The following PALLD variants were observed in gnomAD, a reference collection of about 807,000 sequenced individuals.
PALLD encodes the protein palladin, cytoskeletal associated protein.
In PALLD, 61 loss-of-function variants were observed where a neutral mutation model predicts 123.5. That is an observed-to-expected ratio of 0.49 (90% confidence interval 0.40 to 0.61). The LOEUF (loss-of-function observed/expected upper bound fraction) is 0.61, where lower values mean the gene tolerates loss of function less well. PALLD is among the 20% of genes least tolerant of loss of function. PALLD has a pLI of 0.00. For synonymous variants in PALLD, 465 were observed against 496.4 expected (o/e 0.94, Z 0.84); for missense variants, 1,273 against 1,377.0 (o/e 0.92, Z 1.20).
chr4:168,751,949 G>A (rs939078437), intron 10 of PALLD, among the ~76,000 whole-genome samples: 1 of 152,186 alleles, frequency 6.6e-6, no homozygotes, highest in Non-Finnish European at 1.5e-5. Context: ...ACACTGTTCT[G>A]AGAATTACAC....
intron 10 of PALLD, among the ~76,000 whole-genome samples, chr4:168,810,733 G>A (rs1298557914): frequency 2.0e-5 from 3 of 151,754 alleles, no homozygotes; most frequent in East Asian, 1.9e-4. Context: ...GCGTGAACCC[G>A]GGAAGCGGAG....
At chr4:168,805,619 CA>C (rs1162179232) in intron 10 of PALLD, among the ~76,000 whole-genome samples, 1 of 152,098 alleles carries the variant, frequency 6.6e-6, no homozygotes. Context: ...CCCTTTCTCC[CA>C]CCCACCCCTA....
intron 10 of PALLD, among the ~76,000 whole-genome samples, chr4:168,877,522 G>A (rs911855009): frequency 5.9e-5 from 9 of 152,212 alleles, no homozygotes; most frequent in African/African-American, 2.2e-4. Context: ...TGAAATGGGC[G>A]AGCATACTTC....
Position 168,898,426 on chromosome 4 carries a change from G to T in PALLD, c.2251-67G>T, listed in dbSNP as rs1156906629. ...CTGTCTTCTAGGGCCTTATTGGGGG[G>T]CAGGGAGAGACGTGACACTTTGTCA... On this transcript the variant is annotated intron_variant, in intron 13 of 21. Transcript: ENST00000505667. 4 of 972,340 alleles carry T rather than the reference G, an allele frequency of 4.1e-6. No homozygotes were observed. The Admixed American group carries it at 6.9e-5, about 17-fold the overall frequency. The allele number at this position is 972,340 out of a possible 1,614,324, so 60.2% of individuals were successfully genotyped here.
chr4:168,889,460 G>A (rs566757446), intron 10 of PALLD, among the ~76,000 whole-genome samples: 7 of 151,832 alleles, frequency 4.6e-5, no homozygotes, highest in Admixed American at 3.9e-4. Flanking sequence ...CACCACACCC[G>A]GCCTGCAGTC....
intron 2 of PALLD, among the ~76,000 whole-genome samples, chr4:168,597,259 A>T (rs1772086330): frequency 6.6e-6 from 1 of 152,130 alleles, no homozygotes; most frequent in Non-Finnish European, 1.5e-5. Flanking sequence ...AGTATACAAA[A>T]TTTTAACACT....
chr4:168,849,352 T>C (rs1747398029), intron 10 of PALLD, among the ~76,000 whole-genome samples: 1 of 152,252 alleles, frequency 6.6e-6, no homozygotes, highest in African/African-American at 2.4e-5. Flanking sequence ...ATCAGATTTT[T>C]GTCATTGTAT....
chr4:168,758,757 C>T (rs1482010186), intron 10 of PALLD, among the ~76,000 whole-genome samples: 1 of 151,912 alleles, frequency 6.6e-6, no homozygotes, highest in African/African-American at 2.4e-5. Flanking sequence ...TTTTCTTTTT[C>T]CCCCTCCCAC....
At chr4:168,771,594 G>A (rs1734451761) in intron 10 of PALLD, among the ~76,000 whole-genome samples, 2 of 152,230 alleles carry the variant, frequency 1.3e-5, no homozygotes, top group South Asian at 4.2e-4. Flanking sequence ...CTTAAGCAGG[G>A]CATCAGTGTG....
At position 168,691,400 on chromosome 4, in the gene PALLD, T is replaced by C; in HGVS notation, c.1501+108T>C. 3.3e-6 allele frequency: 3 copies of C among 901,542 alleles called. No individual in the cohort carries two copies. In the African/African-American group the frequency reaches 5.0e-5, roughly 15 times the overall value. The allele number at this position is 901,542 out of a possible 1,614,324, so 55.8% of individuals were successfully genotyped here. ...TACCTTAAAGCCGTAAGCAGAACAA[T>C]GTTTTTGTGGCTCCCTGGAAATGTG... On this transcript the variant is annotated intron_variant, in intron 8 of 21. Transcript: ENST00000505667.
chr4:168,761,667 T>TTTTG (rs1732943797), intron 10 of PALLD, among the ~76,000 whole-genome samples: 43 of 83,024 alleles, frequency 5.2e-4, no homozygotes, highest in African/African-American at 1.7e-3. Flanking sequence ...TTTTTTTTTT[T>TTTTG]TTTTTTTTTG....
At chr4:168,755,467 A>T (rs1160286578) in intron 10 of PALLD, among the ~76,000 whole-genome samples, 1 of 152,056 alleles carries the variant, frequency 6.6e-6, no homozygotes, top group Non-Finnish European at 1.5e-5. Context: ...GTAAGAGATG[A>T]GAGAGGCTGT....
intron 2 of PALLD, among the ~76,000 whole-genome samples, chr4:168,516,325 G>T (rs1274999878): frequency 6.6e-6 from 1 of 151,964 alleles, no homozygotes; most frequent in Admixed American, 6.5e-5. Context: ...ACAGCATAAA[G>T]ACCTGTTCCC....
intron 10 of PALLD, among the ~76,000 whole-genome samples, chr4:168,761,646 T>TTG (rs1732894619): frequency 1.1e-4 from 2 of 18,210 alleles, no homozygotes; most frequent in Non-Finnish European, 2.2e-4. Flanking sequence ...TTGTTGTTTG[T>TTG]TTTTTTTTTT....
intron 2 of PALLD, among the ~76,000 whole-genome samples, chr4:168,573,108 C>T (rs1439448275): frequency 1.3e-5 from 2 of 151,666 alleles, no homozygotes; most frequent in African/African-American, 4.8e-5. Context: ...GCTTTCTTTC[C>T]ATTTCTCAAG....
At chr4:168,518,728 C>T (rs1763247490) in intron 2 of PALLD, among the ~76,000 whole-genome samples, 1 of 152,194 alleles carries the variant, frequency 6.6e-6, no homozygotes, top group Admixed American at 6.5e-5. Context: ...TGCTTTTCTC[C>T]ATAGATCTCA....
chr4:168,758,878 A>G (rs1581317540), intron 10 of PALLD, among the ~76,000 whole-genome samples: 1 of 151,838 alleles, frequency 6.6e-6, no homozygotes, highest in Non-Finnish European at 1.5e-5. Context: ...TCTTAGATTA[A>G]AAGTATAAAA....
intron 2 of PALLD, among the ~76,000 whole-genome samples, chr4:168,589,483 C>A (rs1442916785): frequency 6.6e-6 from 1 of 152,120 alleles, no homozygotes; most frequent in East Asian, 1.9e-4. Context: ...TTAAAGTGTT[C>A]TATAACCGTG....
At chr4:168,552,645 T>A (rs1475054180) in intron 2 of PALLD, among the ~76,000 whole-genome samples, 3 of 152,024 alleles carry the variant, frequency 2.0e-5, no homozygotes, top group Non-Finnish European at 4.4e-5. Flanking sequence ...ATATGTGGGT[T>A]TTTTGGGGGG....
Sources: gnomAD v4.1 joint callset for allele counts (sites outside exome capture counted in the v4.1 genomes callset) on GRCh38, gnomAD v4.1.1 for gene constraint, MANE v1.5 for transcripts, NCBI Gene and HGNC (gene_info 2026-07-23, HGNC 2026-07-21) for gene names.